JARID2: variants seen among roughly 807,000 people sequenced by gnomAD.
JARID2 encodes jumonji and AT-rich interaction domain containing 2, also known as protein Jumonji.
In JARID2, 21 loss-of-function variants were observed where a neutral mutation model predicts 125.6. That is an observed-to-expected ratio of 0.17 (90% CI 0.12 to 0.24). The LOEUF (loss-of-function observed/expected upper bound fraction) is 0.24, where lower values mean the gene tolerates loss of function less well. Among genes scored for constraint, JARID2 ranks in the 10% least tolerant of loss-of-function variants. JARID2 has a pLI of 1.00. For synonymous variants in JARID2, 736 were observed against 661.6 expected, an observed-to-expected ratio of 1.11 and a Z score of -1.73; for missense variants, 1,303 against 1,639.6, an observed-to-expected ratio of 0.79 and a Z score of 3.55.
chr6:15,466,079 C>T (rs1233473186), intron 4 of JARID2, among the ~76,000 whole-genome samples: 9 of 152,222 alleles, frequency 5.9e-5, no homozygotes, highest in African/African-American at 1.7e-4. Flanking sequence ...GCTGGGATTA[C>T]AGGCGTGAGC....
At chr6:15,324,571 G>A (rs1210064588) in intron 1 of JARID2, 5 of 151,676 alleles carry the variant, frequency 3.3e-5, no homozygotes, top group Admixed American at 6.6e-5. Context: ...CCGCCTTCTG[G>A]GTTCAAGCAG....
chr6:15,327,759 A>G (rs755214505), intron 1 of JARID2, among the ~76,000 whole-genome samples: 51 of 152,202 alleles, frequency 3.4e-4, no homozygotes, highest in East Asian at 1.9e-4. Context: ...AATAAATTCA[A>G]GAAGCAGATG....
intron 2 of JARID2, among the ~76,000 whole-genome samples, chr6:15,383,717 G>T (rs755540638): frequency 6.6e-6 from 1 of 152,136 alleles, no homozygotes; most frequent in Non-Finnish European, 1.5e-5. Context: ...ATTCTGGGGT[G>T]TAATTGCCCA....
chr6:15,380,648 G>A (rs111254039), intron 2 of JARID2, among the ~76,000 whole-genome samples: 2 of 152,130 alleles, frequency 1.3e-5, no homozygotes, highest in East Asian at 1.9e-4. Context: ...TATTGGAAGC[G>A]CAGATGTGGG....
chr6:15,365,718 G>A (rs1763950919), intron 1 of JARID2, among the ~76,000 whole-genome samples: 1 of 151,934 alleles, frequency 6.6e-6, no homozygotes, highest in Non-Finnish European at 1.5e-5. Context: ...GCATTTTCAG[G>A]CCGTTTACCC....
chr6:15,270,211 C>T (rs1760243584), intron 1 of JARID2, among the ~76,000 whole-genome samples: 1 of 152,206 alleles, frequency 6.6e-6, no homozygotes, highest in Non-Finnish European at 1.5e-5. Flanking sequence ...TGGCTCACTG[C>T]AGCCTCCACC....
rs1012858512 is a variant in JARID2 at position 15,433,894 on chromosome 6, G to C, written c.324-18112G>C. 2.0e-5 allele frequency among the ~76,000 whole-genome samples: 3 copies of C among 150,036 alleles called. No individual in the cohort carries two copies. In the East Asian group the frequency reaches 6.0e-4, roughly 30 times the overall value. On this transcript the variant is annotated intron_variant, in intron 3 of 17. Coordinates refer to ENST00000341776, the MANE Select transcript of JARID2 (RefSeq NM_004973.4). ...TTTTAAATTCTTTTAGGCCCTAAGA[G>C]TTTTTCCAGTAGCCCTCACTCTCCA...
intron 1 of JARID2, among the ~76,000 whole-genome samples, chr6:15,345,180 A>G (rs992222324): frequency 6.6e-6 from 1 of 152,154 alleles, no homozygotes; most frequent in Non-Finnish European, 1.5e-5. Flanking sequence ...GCTTATCTAT[A>G]TATGTAGATA....
At chr6:15,432,869 G>A (rs1767029056) in intron 3 of JARID2, among the ~76,000 whole-genome samples, 1 of 152,196 alleles carries the variant, frequency 6.6e-6, no homozygotes, top group South Asian at 2.1e-4. Context: ...TCTGATAAAT[G>A]CAACCATTAC....
chr6:15,455,274 A>C lies in JARID2; in HGVS notation c.493+3099A>C, dbSNP rs77066439. 7.1e-3 allele frequency among the ~76,000 whole-genome samples: 1,076 copies of C among 151,398 alleles called. 12 individuals are homozygous for C. The highest frequency in any genetic ancestry group is 0.025 in the African/African-American group (1,022 of 41,230). On this transcript the variant is annotated intron_variant, in intron 4 of 17. Transcript: ENST00000341776. ...GCGTGGCTTAAAATTTTTTTTTTTA[A>C]ATGACAAATAATAATTGTACATATT...
chr6:15,419,483 G>A (rs1370321951), intron 3 of JARID2, among the ~76,000 whole-genome samples: 1 of 152,044 alleles, frequency 6.6e-6, no homozygotes, highest in East Asian at 1.9e-4. Flanking sequence ...ATTTGCTTTT[G>A]CTTGAAGGAT....
intron 3 of JARID2, among the ~76,000 whole-genome samples, chr6:15,437,043 A>G (rs1053888777): frequency 1.1e-4 from 16 of 151,876 alleles, no homozygotes; most frequent in Admixed American, 7.2e-4. Context: ...CAGCCGTGTG[A>G]TTTTACGGTT....
intron 1 of JARID2, among the ~76,000 whole-genome samples, chr6:15,265,384 A>T (rs1034929293): frequency 2.0e-5 from 3 of 152,032 alleles, no homozygotes; most frequent in African/African-American, 7.2e-5. Flanking sequence ...AAAAAACAAA[A>T]AAAAACCACG....
rs984672762 is a variant in JARID2 at position 15,416,608 on chromosome 6, G to A, written c.323+6243G>A. Among the ~76,000 whole-genome samples, 3 of 152,250 alleles carry A rather than the reference G, an allele frequency of 2.0e-5. No homozygotes were observed. The East Asian group carries it at 5.8e-4, about 29-fold the overall frequency. On this transcript the variant is annotated intron_variant, in intron 3 of 17. Coordinates refer to ENST00000341776, the MANE Select transcript of JARID2 (RefSeq NM_004973.4). ...CAGGCTGAGGCAGGAGAATCAGGCA[G>A]GGAGGCTGCAGTGAGCCGAGATGGC...
chr6:15,433,514 G>GT (rs1201637761), intron 3 of JARID2, among the ~76,000 whole-genome samples: 2 of 151,486 alleles, frequency 1.3e-5, no homozygotes, highest in Non-Finnish European at 2.9e-5. Context: ...TGTCATCCAA[G>GT]TGAAAGTCTT....
intron 1 of JARID2, among the ~76,000 whole-genome samples, chr6:15,293,105 C>T (rs181761409): frequency 7.9e-5 from 12 of 152,326 alleles, no homozygotes; most frequent in Admixed American, 5.2e-4. Context: ...TGTCTCTTCT[C>T]TGTGTGAGTA....
chr6:15,352,865 G>C (rs1468833473), intron 1 of JARID2, among the ~76,000 whole-genome samples: 3 of 152,174 alleles, frequency 2.0e-5, no homozygotes, highest in African/African-American at 7.2e-5. Context: ...GCTGCAAAGG[G>C]CTATTGAGAC....
chr6:15,392,598 T>A (rs977881822), intron 2 of JARID2, among the ~76,000 whole-genome samples: 4 of 152,002 alleles, frequency 2.6e-5, no homozygotes, highest in African/African-American at 9.7e-5. Flanking sequence ...GGAAACGTTC[T>A]GTGTCTGTGC....
intron 12 of JARID2, among the ~76,000 whole-genome samples, chr6:15,508,680 T>C (rs753229551): frequency 6.6e-6 from 1 of 152,246 alleles, no homozygotes; most frequent in Non-Finnish European, 1.5e-5. Context: ...TGTCTGATGA[T>C]GAGCAAATCT....
Sources: gnomAD v4.1 joint callset for allele counts (sites outside exome capture counted in the v4.1 genomes callset) on GRCh38, gnomAD v4.1.1 for gene constraint, MANE v1.5 for transcripts, NCBI Gene and HGNC (gene_info 2026-07-23, HGNC 2026-07-21) for gene names.